PTPN9: variants seen among roughly 807,000 people sequenced by gnomAD.
PTPN9 encodes tyrosine-protein phosphatase non-receptor type 9.
In PTPN9, 26 loss-of-function variants were observed where a neutral mutation model predicts 69.8. That is an observed-to-expected ratio of 0.37 (90% CI 0.27 to 0.52). The LOEUF (loss-of-function observed/expected upper bound fraction) is 0.52, where lower values mean the gene tolerates loss of function less well. PTPN9 is among the 20% of genes least tolerant of loss of function. The pLI is 0.91. For synonymous variants in PTPN9, 274 were observed against 272.5 expected (o/e 1.01, Z -0.05); for missense variants, 549 against 740.3 (o/e 0.74, Z 3.00).
At chr15:75,538,528 C>T (rs1345615206) in intron 1 of PTPN9, among the ~76,000 whole-genome samples, 2 of 152,078 alleles carry the variant, frequency 1.3e-5, no homozygotes, top group Non-Finnish European at 1.5e-5. Context: ...AAAACCCCGT[C>T]TCTACAAAAA....
In PTPN9 at chr15:75,553,579, G is replaced by C. The variant is rs115482335; in HGVS notation, c.63+25135C>G. Among the ~76,000 whole-genome samples, 938 of 152,136 alleles carry C rather than the reference G, an allele frequency of 6.2e-3. 19 individuals are homozygous for C. Among genetic ancestry groups the C allele is most frequent in the African/African-American group, 0.021 (891 of 41,498 alleles). The stretch of plus-strand genomic sequence containing the variant: ...CAACTGCTTCTATCTCTATGCCCCA[G>C]TAACACATTCATGCTCATATATCCC... On this transcript the variant is annotated intron_variant, in intron 1 of 12. Transcript: ENST00000618819.
At chr15:75,477,098 G>A (rs1595946100) in intron 9 of PTPN9, among the ~76,000 whole-genome samples, 1 of 152,220 alleles carries the variant, frequency 6.6e-6, no homozygotes. Flanking sequence ...GACATGGCTT[G>A]TAAAAACTTC....
At chr15:75,487,861 G>A (rs2074687526) in intron 8 of PTPN9, 1 of 152,222 alleles carries the variant, frequency 6.6e-6, no homozygotes, top group African/African-American at 2.4e-5. Flanking sequence ...ATACAAGGCA[G>A]TAAGTTTTCC....
intron 1 of PTPN9, among the ~76,000 whole-genome samples, chr15:75,530,455 TA>T (rs1306224635): frequency 4.0e-4 from 41 of 102,558 alleles, no homozygotes; most frequent in African/African-American, 1.6e-3. Context: ...ATTATTATAA[TA>T]AAATATATAT....
intron 1 of PTPN9, among the ~76,000 whole-genome samples, chr15:75,575,541 G>A (rs572258687): frequency 2.0e-5 from 3 of 152,306 alleles, no homozygotes; most frequent in Non-Finnish European, 2.9e-5. Context: ...ATTACGGAGT[G>A]AATGTGTCAG....
chr15:75,499,693 C>T (rs1237462793), intron 7 of PTPN9, among the ~76,000 whole-genome samples: 1 of 151,912 alleles, frequency 6.6e-6, no homozygotes, highest in African/African-American at 2.4e-5. Flanking sequence ...CGTGAGCCAC[C>T]GCGCCCAGCC....
chr15:75,508,237 T>C (rs2074830075), intron 6 of PTPN9, among the ~76,000 whole-genome samples: 1 of 152,104 alleles, frequency 6.6e-6, no homozygotes, highest in Non-Finnish European at 1.5e-5. Flanking sequence ...TCTGGTTTTA[T>C]TGTGGCGGCG....
chr15:75,523,691 GGGTGTC>G (rs1217501240), intron 3 of PTPN9, among the ~76,000 whole-genome samples: 1 of 152,120 alleles, frequency 6.6e-6, no homozygotes, highest in Non-Finnish European at 1.5e-5. Flanking sequence ...ATGGAAGCAT[GGGTGTC>G]TGACACATTG....
intron 1 of PTPN9, among the ~76,000 whole-genome samples, chr15:75,539,839 C>CT (rs55728062): frequency 1 from 151,872 of 151,874 alleles, 75,935 homozygotes; most frequent in Middle Eastern, 1. Context: ...GCCAGGCTAA[C>CT]TTTGTATTTT....
intron 1 of PTPN9, among the ~76,000 whole-genome samples, chr15:75,577,547 G>A (rs1018734960): frequency 2.6e-5 from 4 of 152,156 alleles, no homozygotes; most frequent in African/African-American, 9.7e-5. Context: ...CAAAACCGTG[G>A]CCTGAGGCCA....
At chr15:75,547,673 T>C (rs1567516687) in intron 1 of PTPN9, among the ~76,000 whole-genome samples, 1 of 151,800 alleles carries the variant, frequency 6.6e-6, no homozygotes, top group Non-Finnish European at 1.5e-5. Context: ...GGGTTCTTTT[T>C]TTTTTTTTTT....
rs2075003330 is a variant in PTPN9 at position 75,540,490 on chromosome 15, T to C, written c.64-13229A>G. Among the ~76,000 whole-genome samples the C allele has an allele frequency of 2.0e-5, 3 of 147,912 alleles. No individual in the cohort carries two copies. The South Asian group carries it at 6.4e-4, about 32-fold the overall frequency. On this transcript the variant is annotated intron_variant, in intron 1 of 12. Transcript: ENST00000618819. ...ATCGCTTAAACCCAGGAGGTGGAGG[T>C]TGCAGTGAGCTGAGATCGCACCAGC...
chr15:75,525,218 T>C (rs1250402948), intron 2 of PTPN9, among the ~76,000 whole-genome samples: 1 of 151,836 alleles, frequency 6.6e-6, no homozygotes, highest in Non-Finnish European at 1.5e-5. Flanking sequence ...TTTTTTTAAT[T>C]GAGACCAAGT....
At chr15:75,497,751 G>T (rs2074750752) in intron 7 of PTPN9, among the ~76,000 whole-genome samples, 1 of 145,608 alleles carries the variant, frequency 6.9e-6, no homozygotes, top group South Asian at 2.2e-4. Flanking sequence ...GCAGTGAGCT[G>T]AAGTCACACC....
intron 9 of PTPN9, among the ~76,000 whole-genome samples, chr15:75,479,172 T>C (rs2074613726): frequency 6.6e-6 from 1 of 152,178 alleles, no homozygotes; most frequent in Admixed American, 6.5e-5. Context: ...CCGGGCGTGG[T>C]GGCACACACC....
At chr15:75,542,715 G>A (rs1367684573) in intron 1 of PTPN9, among the ~76,000 whole-genome samples, 1 of 152,176 alleles carries the variant, frequency 6.6e-6, no homozygotes, top group Non-Finnish European at 1.5e-5. Flanking sequence ...TCCAATACCT[G>A]ATGAGCAGAA....
At chr15:75,553,984 T>A (rs1374814321) in intron 1 of PTPN9, among the ~76,000 whole-genome samples, 5 of 150,704 alleles carry the variant, frequency 3.3e-5, no homozygotes, top group African/African-American at 1.2e-4. Flanking sequence ...ATTTCAAACC[T>A]GCTAGACCAA....
At chr15:75,490,381 G>C in intron 7 of PTPN9, 80 bp from the exon 8 acceptor site, 5 of 993,690 alleles carry the variant, frequency 5.0e-6, no homozygotes, top group South Asian at 1.3e-5. Flanking sequence ...CCATGCTAAA[G>C]GGGTGTCAAT....
At chr15:75,537,104 C>A (rs1460574144) in intron 1 of PTPN9, among the ~76,000 whole-genome samples, 4 of 152,022 alleles carry the variant, frequency 2.6e-5, no homozygotes, top group Admixed American at 2.0e-4. Context: ...GTAATCCCAG[C>A]ACTTTGGGAG....
Sources: allele counts gnomAD v4.1 joint callset (sites outside exome capture counted in the v4.1 genomes callset), GRCh38; gene constraint gnomAD v4.1.1; transcripts MANE v1.5; gene names NCBI Gene and HGNC (gene_info 2026-07-23, HGNC 2026-07-21).